Variants in CNTNAP2 observed in about 807,000 individuals in gnomAD.
CNTNAP2 encodes the protein contactin associated protein 2.
In CNTNAP2, 98 loss-of-function variants were observed where a neutral mutation model predicts 155.2. The observed-to-expected ratio is 0.63, with a 90% CI of 0.54 to 0.75. The LOEUF is 0.75. CNTNAP2 is among the 30% of genes least tolerant of loss of function. CNTNAP2 has a pLI of 0.00. For missense variants in CNTNAP2, 1,727 were observed against 1,688.1 expected (o/e 1.02, Z -0.40); for synonymous variants, 651 against 631.2 (o/e 1.03, Z -0.47).
intron 14 of CNTNAP2, among the ~76,000 whole-genome samples, chr7:147,919,124 T>C (rs952638854): frequency 6.6e-5 from 10 of 152,028 alleles, no homozygotes; most frequent in African/African-American, 2.4e-4. Context: ...ATCCATGAAC[T>C]AAGACATAAA....
At chr7:146,773,118 C>A (rs1443309914) in intron 1 of CNTNAP2, among the ~76,000 whole-genome samples, 11 of 152,096 alleles carry the variant, frequency 7.2e-5, no homozygotes, top group Non-Finnish European at 1.3e-4. Flanking sequence ...TCAGAACAGT[C>A]CTGGCCACGT....
At chr7:146,405,010 T>G (rs370604154) in intron 1 of CNTNAP2, among the ~76,000 whole-genome samples, 31 of 152,316 alleles carry the variant, frequency 2.0e-4, no homozygotes, top group Admixed American at 1.4e-3. Context: ...TACTGGCCTC[T>G]GAGCACAGGG....
intron 13 of CNTNAP2, among the ~76,000 whole-genome samples, chr7:147,896,606 A>T (rs972031752): frequency 6.6e-6 from 1 of 152,086 alleles, no homozygotes; most frequent in African/African-American, 2.4e-5. Context: ...CAGTTCCTGG[A>T]TGGGAGGCAC....
chr7:147,830,241 G>C (rs1446561456), intron 13 of CNTNAP2, among the ~76,000 whole-genome samples: 1 of 151,900 alleles, frequency 6.6e-6, no homozygotes, highest in African/African-American at 2.4e-5. Flanking sequence ...AGGCTGGGAA[G>C]TCCAAGACCT....
chr7:146,979,298 G>A (rs762208950), intron 3 of CNTNAP2, among the ~76,000 whole-genome samples: 7 of 151,968 alleles, frequency 4.6e-5, no homozygotes, highest in Non-Finnish European at 8.8e-5. Context: ...CACACTGGCC[G>A]CCTTCTATTT....
rs368923442 is a variant in CNTNAP2 at position 146,747,260 on chromosome 7, A to G, written c.98-27011A>G. Among the ~76,000 whole-genome samples the G allele has an allele frequency of 2.6e-5, 4 of 152,316 alleles. No homozygotes were observed. In the East Asian group the frequency reaches 7.7e-4, roughly 29 times the overall value. On this transcript the variant is annotated intron_variant, in intron 1 of 23. Coordinates refer to ENST00000361727, the MANE Select transcript of CNTNAP2 (RefSeq NM_014141.6). ...CCTACAAAATACTTGCAAGGGGCACAAGGCAGACATTTTGATCATCACTTT... is the reference window on the plus strand; with the variant it reads ...CCTACAAAATACTTGCAAGGGGCACGAGGCAGACATTTTGATCATCACTTT...
chr7:147,901,217 G>C (rs568542899), intron 13 of CNTNAP2, among the ~76,000 whole-genome samples: 2 of 151,998 alleles, frequency 1.3e-5, no homozygotes, highest in Non-Finnish European at 2.9e-5. Flanking sequence ...ATTAACATAA[G>C]AGCATCACAT....
At chr7:147,972,437 T>C (rs527405630) in intron 14 of CNTNAP2, among the ~76,000 whole-genome samples, 2 of 152,344 alleles carry the variant, frequency 1.3e-5, no homozygotes, top group Non-Finnish European at 2.9e-5. Flanking sequence ...TTTTTCTACT[T>C]TTTCATTAAG....
chr7:147,043,167 T>C (rs1489642444), intron 3 of CNTNAP2, among the ~76,000 whole-genome samples: 1 of 152,166 alleles, frequency 6.6e-6, no homozygotes, highest in East Asian at 1.9e-4. Context: ...CATATTATCT[T>C]GCTCTAACTT....
At chr7:147,605,971 C>G (rs1315336031) in intron 12 of CNTNAP2, among the ~76,000 whole-genome samples, 2 of 151,520 alleles carry the variant, frequency 1.3e-5, no homozygotes, top group Non-Finnish European at 2.9e-5. Context: ...CATGAGCCTC[C>G]TGTGATTGTT....
intron 1 of CNTNAP2, among the ~76,000 whole-genome samples, chr7:146,126,272 A>G (rs1027059824): frequency 6.6e-6 from 1 of 152,224 alleles, no homozygotes; most frequent in African/African-American, 2.4e-5. Context: ...TAAAGGAAAA[A>G]GCCTATTGGC....
chr7:146,826,443 C>T (rs760196492), intron 2 of CNTNAP2, among the ~76,000 whole-genome samples: 27 of 152,042 alleles, frequency 1.8e-4, no homozygotes, highest in Non-Finnish European at 2.9e-4. Context: ...GCCAGCTTCC[C>T]GGGTCCCTTT....
At chr7:147,738,102 G>T (rs1438636038) in intron 13 of CNTNAP2, among the ~76,000 whole-genome samples, 3 of 152,144 alleles carry the variant, frequency 2.0e-5, no homozygotes, top group African/African-American at 7.2e-5. Flanking sequence ...CCCGTCTTTT[G>T]TGTCACTTAC....
At chr7:147,563,387 T>C (rs1800102302) in intron 12 of CNTNAP2, among the ~76,000 whole-genome samples, 1 of 152,052 alleles carries the variant, frequency 6.6e-6, no homozygotes, top group East Asian at 1.9e-4. Context: ...TCCCAGCATC[T>C]TGGGAGACTG....
At chr7:146,175,332 T>C (rs1219213598) in intron 1 of CNTNAP2, among the ~76,000 whole-genome samples, 1 of 152,212 alleles carries the variant, frequency 6.6e-6, no homozygotes. Flanking sequence ...AAGAGGCAGT[T>C]TTGAAGCCAC....
chr7:146,323,399 C>T (rs1182579035), intron 1 of CNTNAP2, among the ~76,000 whole-genome samples: 1 of 151,592 alleles, frequency 6.6e-6, no homozygotes, highest in South Asian at 2.1e-4. Flanking sequence ...CAAAAGACTC[C>T]GAGTATAATG....
rs997943825 is a variant in CNTNAP2 at position 147,404,252 on chromosome 7, C to T, written c.1670+8472C>T. Among the ~76,000 whole-genome samples, 29 of 152,184 alleles carry T rather than the reference C, an allele frequency of 1.9e-4. 1 individual carries two copies. The highest frequency in any genetic ancestry group is 6.8e-4 in the African/African-American group (28 of 41,444). On this transcript the variant is annotated intron_variant, in intron 10 of 23. Coordinates refer to ENST00000361727, the MANE Select transcript of CNTNAP2 (RefSeq NM_014141.6). ...GTGATCCCATCAAACTACAAATAAT[C>T]AAAGAACAGGTTGGCTGAAGCTAAT...
chr7:146,897,168 T>C lies in CNTNAP2; in HGVS notation c.402+57264T>C, dbSNP rs568440997. On this transcript the variant is annotated intron_variant, in intron 3 of 23. Coordinates refer to ENST00000361727, the MANE Select transcript of CNTNAP2 (RefSeq NM_014141.6). Reference sequence around the variant, plus strand: ...ACAGAGGTGTAACATAATCTAGAAATTGGAAAATCAAGCCCATCATTACAC... The same window carrying C: ...ACAGAGGTGTAACATAATCTAGAAACTGGAAAATCAAGCCCATCATTACAC... Among the ~76,000 whole-genome samples, 4 of 152,172 alleles carry C rather than the reference T, an allele frequency of 2.6e-5. No homozygotes were observed. The East Asian group carries it at 7.7e-4, about 29-fold the overall frequency.
rs185934438 is a variant in CNTNAP2, at chr7:146,363,518, C to G, written c.97+246545C>G. 7.9e-5 allele frequency among the ~76,000 whole-genome samples: 12 copies of G among 152,148 alleles called. No homozygotes were observed. In the East Asian group the frequency reaches 2.3e-3, roughly 29 times the overall value. ...AGACTGGGTAGAATGATGAAACTGT[C>G]AAAAGAAATTAAAATTAGTAACCCA... On this transcript the variant is annotated intron_variant, in intron 1 of 23. Coordinates refer to ENST00000361727, the MANE Select transcript of CNTNAP2 (RefSeq NM_014141.6).
Sources: allele counts gnomAD v4.1 joint callset (sites outside exome capture counted in the v4.1 genomes callset), GRCh38; gene constraint gnomAD v4.1.1; transcripts MANE v1.5; gene names NCBI Gene and HGNC (gene_info 2026-07-23, HGNC 2026-07-21).